Variants in CRPPA observed in about 807,000 individuals in gnomAD.
The protein encoded by CRPPA is D-ribitol-5-phosphate cytidylyltransferase.
CRPPA carries 43 observed loss-of-function variants against 52.0 expected under a neutral mutation model. The ratio of observed to expected loss-of-function variants is 0.83; its 90% CI spans 0.65 to 1.07. CRPPA has a LOEUF of 1.07. Among genes scored for constraint, CRPPA ranks in the 50% least tolerant of loss-of-function variants. The pLI is 0.00. For missense variants in CRPPA, 629 were observed against 551.7 expected (o/e 1.14, Z -1.40); for synonymous variants, 250 against 203.5 (o/e 1.23, Z -1.94).
At chr7:16,124,649 T>C (rs1782541436) in intron 9 of CRPPA, among the ~76,000 whole-genome samples, 1 of 152,166 alleles carries the variant, frequency 6.6e-6, no homozygotes, top group South Asian at 2.1e-4. Flanking sequence ...TCTATAGCAC[T>C]ACAGGGTAAC....
Position 16,090,371 on chromosome 7 carries a change from T to G in CRPPA, c.*1324A>C, listed in dbSNP as rs1781809505. On this transcript the variant is annotated 3_prime_UTR_variant, in exon 10 of 10. Coordinates refer to ENST00000407010, the MANE Select transcript of CRPPA (RefSeq NM_001101426.4). ...AAACACTTCATGCAACTTTTATAGTTTCCACGTGCAGCCTAAGCCCTAATC... is the reference window on the plus strand; with the variant it reads ...AAACACTTCATGCAACTTTTATAGTGTCCACGTGCAGCCTAAGCCCTAATC... 6.6e-6 allele frequency: 1 copy of G among 151,970 alleles called. No individual in the cohort carries two copies. Among genetic ancestry groups the G allele is most frequent in the Non-Finnish European group, 1.5e-5 (1 of 68,006 alleles). 9.4% of individuals were successfully genotyped at this position (151,970 alleles called of 1,614,324 possible).
At chr7:16,249,370 G>GA (rs1432850224) in intron 8 of CRPPA, among the ~76,000 whole-genome samples, 2 of 152,160 alleles carry the variant, frequency 1.3e-5, no homozygotes, top group Non-Finnish European at 2.9e-5. Flanking sequence ...CCCAGCATTC[G>GA]AGCTCTAATA....
intron 3 of CRPPA, among the ~76,000 whole-genome samples, chr7:16,335,154 C>CAAAAAA (rs60632334): frequency 1.7e-4 from 16 of 93,784 alleles, no homozygotes; most frequent in East Asian, 3.9e-4. Flanking sequence ...CCCATCTCTA[C>CAAAAAA]AAAAAAAAAA....
chr7:16,323,239 T>C (rs1355380894), intron 3 of CRPPA, among the ~76,000 whole-genome samples: 1 of 152,216 alleles, frequency 6.6e-6, no homozygotes, highest in Non-Finnish European at 1.5e-5. Context: ...TGGGATATTA[T>C]GCAGCATATT....
intron 1 of CRPPA, among the ~76,000 whole-genome samples, chr7:16,415,939 G>A (rs1788182176): frequency 6.6e-6 from 1 of 152,116 alleles, no homozygotes; most frequent in Admixed American, 6.5e-5. Context: ...CTCTTTTGCA[G>A]TCCCCAATTA....
intron 8 of CRPPA, among the ~76,000 whole-genome samples, chr7:16,253,736 C>T (rs112143154): frequency 0.013 from 2,019 of 151,914 alleles, 45 homozygotes; most frequent in African/African-American, 0.046. Flanking sequence ...AATTGACAAA[C>T]GGGATCTAAT....
At chr7:16,142,929 C>A (rs1395851410) in intron 9 of CRPPA, among the ~76,000 whole-genome samples, 2 of 152,026 alleles carry the variant, frequency 1.3e-5, no homozygotes, top group Non-Finnish European at 2.9e-5. Context: ...TAATAAATGC[C>A]AGAAATAAAT....
chr7:16,356,417 G>C (rs1786296533), intron 3 of CRPPA, among the ~76,000 whole-genome samples: 1 of 152,106 alleles, frequency 6.6e-6, no homozygotes, highest in Admixed American at 6.6e-5. Context: ...AATGCTCTTG[G>C]AGGTGGGGGA....
intron 9 of CRPPA, among the ~76,000 whole-genome samples, chr7:16,100,980 C>G (rs185711662): frequency 6.6e-6 from 1 of 152,214 alleles, no homozygotes; most frequent in Non-Finnish European, 1.5e-5. Context: ...GTTGAAACAG[C>G]CTTGCATCCC....
chr7:16,279,225 CA>C (rs1784269470), intron 5 of CRPPA, among the ~76,000 whole-genome samples: 1 of 152,128 alleles, frequency 6.6e-6, no homozygotes, highest in Non-Finnish European at 1.5e-5. Context: ...CCATATAAAT[CA>C]CTGATGTAGC....
At chr7:16,269,817 T>G (rs1274068665) in intron 6 of CRPPA, 1 of 152,102 alleles carries the variant, frequency 6.6e-6, no homozygotes, top group Non-Finnish European at 1.5e-5. Context: ...ATACTTGACA[T>G]AAAATACATT....
At chr7:16,268,524 T>C (rs1784013434) in intron 6 of CRPPA, among the ~76,000 whole-genome samples, 1 of 152,184 alleles carries the variant, frequency 6.6e-6, no homozygotes, top group African/African-American at 2.4e-5. Context: ...CTCATACAAC[T>C]TTCCCATTAT....
intron 2 of CRPPA, among the ~76,000 whole-genome samples, chr7:16,395,808 T>C (rs13235599): frequency 6.6e-6 from 1 of 152,230 alleles, no homozygotes; most frequent in African/African-American, 2.4e-5. Context: ...ATAGATACTG[T>C]CATCTGTCTT....
chr7:16,409,112 G>A (rs944057414), intron 1 of CRPPA, among the ~76,000 whole-genome samples: 1 of 152,138 alleles, frequency 6.6e-6, no homozygotes, highest in African/African-American at 2.4e-5. Context: ...ATACTGGCCA[G>A]GCTGGTCTCT....
chr7:16,370,368 C>T (rs1394974004), intron 3 of CRPPA, among the ~76,000 whole-genome samples: 1 of 152,190 alleles, frequency 6.6e-6, no homozygotes, highest in Non-Finnish European at 1.5e-5. Flanking sequence ...ACCAAGGAAT[C>T]TCAGAGTCTG....
chr7:16,384,135 T>C (rs1787193160), intron 2 of CRPPA, among the ~76,000 whole-genome samples: 2 of 152,172 alleles, frequency 1.3e-5, no homozygotes, highest in African/African-American at 2.4e-5. Context: ...TTCAGCCATC[T>C]TGGCTGCAGC....
intron 9 of CRPPA, among the ~76,000 whole-genome samples, chr7:16,210,940 T>C (rs1782118469): frequency 6.6e-6 from 1 of 151,470 alleles, no homozygotes; most frequent in Non-Finnish European, 1.5e-5. Flanking sequence ...TAGTTAACAA[T>C]CTACTGTACA....
intron 8 of CRPPA, 132 bp downstream of exon 8, chr7:16,258,258 G>A (rs1322604966): frequency 3.8e-6 from 2 of 519,784 alleles, no homozygotes; most frequent in African/African-American, 4.0e-5. Flanking sequence ...AGTAAGCAGA[G>A]GAATCCACAA....
chr7:16,100,896 T>G (rs1347565672), intron 9 of CRPPA, among the ~76,000 whole-genome samples: 1 of 152,216 alleles, frequency 6.6e-6, no homozygotes, highest in Non-Finnish European at 1.5e-5. Context: ...CTTTTCTGCA[T>G]CTATTGAGAT....
Sources: gnomAD v4.1 joint callset for allele counts (sites outside exome capture counted in the v4.1 genomes callset) on GRCh38, gnomAD v4.1.1 for gene constraint, MANE v1.5 for transcripts, NCBI Gene and HGNC (gene_info 2026-07-23, HGNC 2026-07-21) for gene names.